Variants in FHIT observed in about 807,000 individuals in gnomAD.
FHIT encodes bis(5'-adenosyl)-triphosphatase.
A neutral mutation model predicts 17.9 loss-of-function variants in FHIT; 19 were observed. The observed-to-expected ratio is 1.06, with a 90% CI of 0.74 to 1.56. FHIT has a LOEUF of 1.56. FHIT is among the 40% of genes most tolerant of loss of function. The pLI, the probability that FHIT is intolerant of heterozygous loss-of-function variation, is 0.00. For missense variants in FHIT, 248 were observed against 189.2 expected (o/e 1.31, Z -1.82); for synonymous variants, 81 against 69.7 (o/e 1.16, Z -0.81).
At chr3:60,469,498 T>C (rs2032972835) in intron 5 of FHIT, among the ~76,000 whole-genome samples, 1 of 152,202 alleles carries the variant, frequency 6.6e-6, no homozygotes, top group African/African-American at 2.4e-5. Flanking sequence ...CTCTGCTTGA[T>C]TCTTTATATC....
At chr3:60,382,106 C>G (rs1367306720) in intron 5 of FHIT, among the ~76,000 whole-genome samples, 1 of 152,114 alleles carries the variant, frequency 6.6e-6, no homozygotes, top group African/African-American at 2.4e-5. Context: ...TCTAACTTAC[C>G]ACCTTGACCA....
chr3:60,001,309 T>C (rs1271689384), intron 7 of FHIT, among the ~76,000 whole-genome samples: 2 of 152,170 alleles, frequency 1.3e-5, no homozygotes, highest in Non-Finnish European at 2.9e-5. Flanking sequence ...ACTATAGAAT[T>C]TCTACAACTT....
chr3:60,775,407 T>C (rs1036213467), intron 4 of FHIT, among the ~76,000 whole-genome samples: 5 of 152,120 alleles, frequency 3.3e-5, no homozygotes, highest in African/African-American at 9.7e-5. Context: ...AGCCTGGCCC[T>C]TCCTTTTCCT....
chr3:59,942,630 T>C (rs931784072), intron 7 of FHIT, among the ~76,000 whole-genome samples: 1 of 152,112 alleles, frequency 6.6e-6, no homozygotes, highest in Non-Finnish European at 1.5e-5. Context: ...TACTTAGCTG[T>C]CTGGATTACA....
chr3:60,130,492 G>C (rs1268108994), intron 5 of FHIT, among the ~76,000 whole-genome samples: 2 of 152,058 alleles, frequency 1.3e-5, no homozygotes, highest in African/African-American at 2.4e-5. Flanking sequence ...GGATATGGAT[G>C]TAAGACTGGA....
chr3:60,287,500 C>G (rs1016768090), intron 5 of FHIT, among the ~76,000 whole-genome samples: 1 of 152,154 alleles, frequency 6.6e-6, no homozygotes, highest in African/African-American at 2.4e-5. Flanking sequence ...CATTAGACTG[C>G]TGAGAGTACT....
intron 3 of FHIT, among the ~76,000 whole-genome samples, chr3:60,906,224 A>G (rs1553764518): frequency 6.6e-6 from 1 of 150,902 alleles, no homozygotes; most frequent in Non-Finnish European, 1.5e-5. Flanking sequence ...GGGTATTGAT[A>G]TAGTAATTCT....
At chr3:61,013,350 C>G (rs967215127) in intron 3 of FHIT, among the ~76,000 whole-genome samples, 1 of 152,154 alleles carries the variant, frequency 6.6e-6, no homozygotes, top group African/African-American at 2.4e-5. Flanking sequence ...ATATGATAAA[C>G]TTTCCAAACA....
intron 1 of FHIT, among the ~76,000 whole-genome samples, chr3:61,210,720 T>TA (rs941201114): frequency 2.0e-5 from 3 of 152,046 alleles, no homozygotes; most frequent in Non-Finnish European, 4.4e-5. Flanking sequence ...TCTCTTTTAC[T>TA]AGGAAAGGGA....
chr3:60,555,548 G>C (rs1259402411), intron 4 of FHIT, among the ~76,000 whole-genome samples: 1 of 152,070 alleles, frequency 6.6e-6, no homozygotes, highest in Admixed American at 6.5e-5. Context: ...TAGACAAATT[G>C]GTATTTCTCA....
intron 7 of FHIT, among the ~76,000 whole-genome samples, chr3:60,010,722 T>G (rs1023383500): frequency 2.0e-5 from 3 of 152,176 alleles, no homozygotes; most frequent in African/African-American, 7.2e-5. Flanking sequence ...GATTTTATTA[T>G]TTTATTTTTA....
chr3:61,218,254 T>C (rs2039740749), intron 1 of FHIT, among the ~76,000 whole-genome samples: 1 of 152,128 alleles, frequency 6.6e-6, no homozygotes, highest in Non-Finnish European at 1.5e-5. Context: ...GGATGAATCC[T>C]ACATAAGAGA....
chr3:60,556,833 G>T (rs1839075), intron 4 of FHIT, among the ~76,000 whole-genome samples: 14 of 151,992 alleles, frequency 9.2e-5, no homozygotes, highest in African/African-American at 3.4e-4. Flanking sequence ...CCACCGTGTT[G>T]AACACTGTCT....
intron 2 of FHIT, among the ~76,000 whole-genome samples, chr3:61,110,138 C>T (rs535475284): frequency 2.8e-4 from 42 of 152,284 alleles, no homozygotes; most frequent in South Asian, 6.2e-4. Context: ...CTATCTCACC[C>T]AGAGTAAAGT....
intron 5 of FHIT, among the ~76,000 whole-genome samples, chr3:60,493,851 G>A (rs2034173255): frequency 6.6e-6 from 1 of 152,098 alleles, no homozygotes; most frequent in Non-Finnish European, 1.5e-5. Context: ...ATGGAGTGTT[G>A]AATGGAACAT....
At chr3:60,957,004 G>C (rs1709197890) in intron 3 of FHIT, among the ~76,000 whole-genome samples, 1 of 152,006 alleles carries the variant, frequency 6.6e-6, no homozygotes, top group Admixed American at 6.6e-5. Flanking sequence ...AGGCAGTACT[G>C]CAACAAAGCC....
chr3:60,416,358 A>G (rs1024156757), intron 5 of FHIT, among the ~76,000 whole-genome samples: 6 of 152,236 alleles, frequency 3.9e-5, no homozygotes, highest in Admixed American at 6.5e-5. Context: ...CAGAAATCCT[A>G]TTTTTTCCTA....
In FHIT at chr3:60,619,616, A is replaced by T. The variant is rs531655185; in HGVS notation, c.-17-82637T>A. 4.5e-4 allele frequency among the ~76,000 whole-genome samples: 67 copies of T among 150,286 alleles called. No homozygotes were observed. The South Asian group carries it at 0.013, about 30-fold the overall frequency. On this transcript the variant is annotated intron_variant, in intron 4 of 9. Transcript: ENST00000492590. ...ACCCACATGCAAAAAAAAAAAAAAA[A>T]AAAAAAAAAAAGAATCTAGACAAAG...
In FHIT at chr3:60,077,900, G is replaced by A. The variant is rs534155418; in HGVS notation, c.104-63748C>T. Among the ~76,000 whole-genome samples, 255 of 152,038 alleles carry A rather than the reference G, an allele frequency of 1.7e-3. 1 individual carries two copies. The highest frequency in any genetic ancestry group is 5.7e-3 in the African/African-American group (236 of 41,508). The stretch of plus-strand genomic sequence containing the variant: ...AAAAAGTAACTCTGAGATAACAGAC[G>A]TTGATTTGCTTTATGTAGTAACCAT... On this transcript the variant is annotated intron_variant, in intron 5 of 9. Coordinates refer to ENST00000492590, the MANE Select transcript of FHIT (RefSeq NM_002012.4).
Sources: allele counts gnomAD v4.1 joint callset (sites outside exome capture counted in the v4.1 genomes callset), GRCh38; gene constraint gnomAD v4.1.1; transcripts MANE v1.5; gene names NCBI Gene and HGNC (gene_info 2026-07-23, HGNC 2026-07-21).